The following PTPRD variants were observed in gnomAD, a reference collection of about 807,000 sequenced individuals.
PTPRD encodes the protein receptor-type tyrosine-protein phosphatase delta.
A neutral mutation model predicts 214.5 loss-of-function variants in PTPRD; 34 were observed. The ratio of observed to expected loss-of-function variants is 0.16; its 90% confidence interval spans 0.12 to 0.21. The LOEUF is 0.21. PTPRD is among the 10% of genes least tolerant of loss of function. The pLI is 1.00. For missense variants in PTPRD, 2,545 were observed against 2,398.7 expected (o/e 1.06, Z -1.27); for synonymous variants, 1,128 against 845.7 (o/e 1.33, Z -5.79).
chr9:8,359,370 G>A (rs999217783), intron 39 of PTPRD, among the ~76,000 whole-genome samples: 5 of 151,796 alleles, frequency 3.3e-5, no homozygotes, highest in African/African-American at 1.2e-4. Context: ...TGTTGCCCAG[G>A]CTGGAGTGCA....
chr9:9,060,285 A>G lies in PTPRD; in HGVS notation c.-142-41550T>C, dbSNP rs572070831. On this transcript the variant is annotated intron_variant, in intron 10 of 45. Transcript: ENST00000381196. ...GAGTTGATTTATGACAAGAGTGTGC[A>G]TCAGAGCAGTAGGAAATGAAAACTC... Among the ~76,000 whole-genome samples, 192 of 152,284 alleles carry G rather than the reference A, an allele frequency of 1.3e-3. 3 individuals are homozygous for G. The Middle Eastern group carries it at 0.017, about 13-fold the overall frequency.
intron 8 of PTPRD, among the ~76,000 whole-genome samples, chr9:9,402,450 C>T (rs1183848833): frequency 6.6e-6 from 1 of 152,054 alleles, no homozygotes; most frequent in Non-Finnish European, 1.5e-5. Flanking sequence ...AAATTTCTTC[C>T]TGTGTTGTTA....
chr9:10,258,041 G>A (rs566931627), intron 3 of PTPRD, among the ~76,000 whole-genome samples: 2 of 152,224 alleles, frequency 1.3e-5, no homozygotes, highest in Admixed American at 6.5e-5. Flanking sequence ...GGAAGGTGGT[G>A]GAGAGAAAGT....
At chr9:9,048,048 G>C (rs563952249) in intron 10 of PTPRD, among the ~76,000 whole-genome samples, 1 of 152,096 alleles carries the variant, frequency 6.6e-6, no homozygotes, top group Non-Finnish European at 1.5e-5. Flanking sequence ...CATAAGAAAA[G>C]GTGCTTGACA....
chr9:9,333,651 C>T (rs556856494), intron 9 of PTPRD, among the ~76,000 whole-genome samples: 1 of 151,392 alleles, frequency 6.6e-6, no homozygotes, highest in South Asian at 2.1e-4. Context: ...AGCTGTATGA[C>T]TAACATACCA....
At chr9:10,193,699 T>C (rs961466500) in intron 3 of PTPRD, among the ~76,000 whole-genome samples, 1 of 152,144 alleles carries the variant, frequency 6.6e-6, no homozygotes, top group Non-Finnish European at 1.5e-5. Flanking sequence ...CTTCTTCTTG[T>C]AGCAAAGGTT....
chr9:9,333,768 T>A (rs1340380277), intron 9 of PTPRD, among the ~76,000 whole-genome samples: 5 of 151,664 alleles, frequency 3.3e-5, no homozygotes, highest in Non-Finnish European at 7.4e-5. Context: ...AAATTTAAAA[T>A]TAGCTAAAGG....
At chr9:10,028,641 T>A (rs2096978588) in intron 4 of PTPRD, among the ~76,000 whole-genome samples, 1 of 152,172 alleles carries the variant, frequency 6.6e-6, no homozygotes, top group South Asian at 2.1e-4. Flanking sequence ...GGCAGCATTT[T>A]GTCCATGCCC....
At chr9:8,677,111 A>C (rs1457292204) in intron 12 of PTPRD, among the ~76,000 whole-genome samples, 1 of 152,244 alleles carries the variant, frequency 6.6e-6, no homozygotes, top group East Asian at 1.9e-4. Flanking sequence ...CACTTTAATA[A>C]AAAATTAAAG....
chr9:9,864,718 T>G (rs999661970), intron 5 of PTPRD, among the ~76,000 whole-genome samples: 3 of 151,962 alleles, frequency 2.0e-5, no homozygotes, highest in Non-Finnish European at 2.9e-5. Context: ...AGGGTGTCAC[T>G]TTGTTGCCTA....
At chr9:9,572,442 A>G (rs992140484) in intron 8 of PTPRD, among the ~76,000 whole-genome samples, 9 of 151,306 alleles carry the variant, frequency 5.9e-5, no homozygotes, top group Middle Eastern at 3.4e-3. Flanking sequence ...AGGACAATGT[A>G]ATCTGTGGCA....
intron 45 of PTPRD, among the ~76,000 whole-genome samples, chr9:8,318,249 A>G (rs1025305883): frequency 3.9e-5 from 6 of 152,028 alleles, no homozygotes; most frequent in African/African-American, 1.4e-4. Flanking sequence ...ATTACCACCA[A>G]TTGAACACAT....
At chr9:9,859,126 G>A (rs942610553) in intron 5 of PTPRD, among the ~76,000 whole-genome samples, 5 of 152,144 alleles carry the variant, frequency 3.3e-5, no homozygotes, top group African/African-American at 1.2e-4. Flanking sequence ...ATGCTCACAC[G>A]CACACTCTCT....
chr9:9,503,905 A>C (rs1359614563), intron 8 of PTPRD, among the ~76,000 whole-genome samples: 2 of 151,826 alleles, frequency 1.3e-5, no homozygotes, highest in African/African-American at 4.8e-5. Context: ...ACATCTGCTC[A>C]GCAACTACAT....
chr9:8,371,436 A>G (rs1229146021), intron 39 of PTPRD, among the ~76,000 whole-genome samples: 2 of 152,076 alleles, frequency 1.3e-5, no homozygotes, highest in Admixed American at 1.3e-4. Context: ...CAAGGTACGT[A>G]TGATCTGCAC....
At chr9:9,237,838 G>T (rs951170367) in intron 9 of PTPRD, among the ~76,000 whole-genome samples, 54 of 152,060 alleles carry the variant, frequency 3.6e-4, no homozygotes, top group African/African-American at 1.3e-3. Context: ...TTGTTGCCAT[G>T]ATTTTTGATG....
At chr9:9,222,278 G>A (rs2099956606) in intron 9 of PTPRD, among the ~76,000 whole-genome samples, 1 of 151,928 alleles carries the variant, frequency 6.6e-6, no homozygotes, top group South Asian at 2.1e-4. Context: ...AACATAAACT[G>A]AAACTTTGGT....
intron 8 of PTPRD, among the ~76,000 whole-genome samples, chr9:9,567,656 G>C (rs1326922903): frequency 6.6e-6 from 1 of 151,942 alleles, no homozygotes; most frequent in Non-Finnish European, 1.5e-5. Context: ...GATACCACTG[G>C]TTGCCTAGCA....
At chr9:10,512,860 C>T (rs1242772714) in intron 2 of PTPRD, among the ~76,000 whole-genome samples, 1 of 151,596 alleles carries the variant, frequency 6.6e-6, no homozygotes, top group Non-Finnish European at 1.5e-5. Flanking sequence ...CTTTTTATTG[C>T]ACTGGAGTTG....
Sources: gnomAD v4.1 joint callset for allele counts (sites outside exome capture counted in the v4.1 genomes callset) on GRCh38, gnomAD v4.1.1 for gene constraint, MANE v1.5 for transcripts, NCBI Gene and HGNC (gene_info 2026-07-23, HGNC 2026-07-21) for gene names.